MAP4K4: variants seen among roughly 807,000 people sequenced by gnomAD.
MAP4K4 encodes the protein mitogen-activated protein kinase kinase kinase kinase 4.
In MAP4K4, 38 loss-of-function variants were observed where a neutral mutation model predicts 189.6. The observed-to-expected ratio is 0.20, with a 90% confidence interval of 0.15 to 0.26. The LOEUF is 0.26. Among genes scored for constraint, MAP4K4 ranks in the 10% least tolerant of loss-of-function variants. MAP4K4 has a pLI of 1.00. For missense variants in MAP4K4, 1,054 were observed against 1,726.9 expected (o/e 0.61, Z 6.91); for synonymous variants, 610 against 624.3 (o/e 0.98, Z 0.34).
chr2:101,735,792 G>T (rs1173765701), intron 2 of MAP4K4, among the ~76,000 whole-genome samples: 1 of 152,302 alleles, frequency 6.6e-6, no homozygotes, highest in Non-Finnish European at 1.5e-5. Context: ...AGCTAGAAAA[G>T]AAAATAGAAA....
rs1043497713 is a variant in MAP4K4 at position 101,834,598 on chromosome 2, A to G, written c.694+135A>G. 1.5e-5 allele frequency: 10 copies of G among 669,072 alleles called. No homozygotes were observed. The East Asian group carries it at 2.5e-4, about 16-fold the overall frequency. The allele number at this position is 669,072 out of a possible 1,614,324, so 41.4% of individuals were successfully genotyped here. On this transcript the variant is annotated intron_variant, in intron 8 of 32. Coordinates refer to ENST00000324219, the Ensembl canonical transcript of MAP4K4. ...CTGTTTAGATGAAGGCAACATAAAT[A>G]TAGTCAAGTTTTAGATGTAGAAGGA...
intron 2 of MAP4K4, among the ~76,000 whole-genome samples, chr2:101,782,365 A>G (rs926912600): frequency 6.6e-6 from 1 of 152,168 alleles, no homozygotes; most frequent in African/African-American, 2.4e-5. Flanking sequence ...GTTGTTTCAG[A>G]TAAGGTAGCT....
chr2:101,797,889 G>GAGTTTTTTTTTT (rs1553478621), intron 3 of MAP4K4, among the ~76,000 whole-genome samples: 1 of 52,304 alleles, frequency 1.9e-5, no homozygotes, highest in African/African-American at 7.6e-5. Flanking sequence ...CATTCTTTTA[G>GAGTTTTTTTTTT]TTTTTTTTTT....
At chr2:101,765,208 G>A (rs1394229333) in intron 2 of MAP4K4, among the ~76,000 whole-genome samples, 1 of 152,172 alleles carries the variant, frequency 6.6e-6, no homozygotes, top group African/African-American at 2.4e-5. Context: ...AAGTATGTAG[G>A]GAGGAAGGGG....
At chr2:101,764,693 C>T (rs2077839453) in intron 2 of MAP4K4, among the ~76,000 whole-genome samples, 1 of 152,268 alleles carries the variant, frequency 6.6e-6, no homozygotes, top group South Asian at 2.1e-4. Context: ...GCAGATTATA[C>T]TTGAATTAAT....
chr2:101,879,091 A>T (rs2098297800), intron 27 of MAP4K4, among the ~76,000 whole-genome samples: 1 of 150,444 alleles, frequency 6.6e-6, no homozygotes, highest in Non-Finnish European at 1.5e-5. Flanking sequence ...GCAATCTGAG[A>T]GGCCAAGGCA....
rs929275576 is a variant in MAP4K4, at chr2:101,781,866, C to T, written c.124-8854C>T. On this transcript the variant is annotated intron_variant, in intron 2 of 32. Transcript: ENST00000324219. The stretch of plus-strand genomic sequence containing the variant: ...GATTTTTACTACAGTGATAGCTCCT[C>T]GAACTGGAACTGAGCTTGCTGTCTG... 4.6e-5 allele frequency among the ~76,000 whole-genome samples: 7 copies of T among 152,294 alleles called. No homozygotes were observed. In the East Asian group the frequency reaches 7.7e-4, roughly 17 times the overall value.
At chr2:101,797,889 GTTTT>G (rs58201235) in intron 3 of MAP4K4, among the ~76,000 whole-genome samples, 985 of 52,376 alleles carry the variant, frequency 0.019, 105 homozygotes, top group Middle Eastern at 0.094. Flanking sequence ...CATTCTTTTA[GTTTT>G]TTTTTTTTTT....
chr2:101,888,062 G>A, intron 31 of MAP4K4, 125 bp downstream of exon 31: 1 of 724,352 alleles, frequency 1.4e-6, no homozygotes, highest in Non-Finnish European at 2.1e-6. Flanking sequence ...AGAGTAGTTG[G>A]CAGTAGATGG....
At chr2:101,841,433 G>C (rs2096913727) in intron 10 of MAP4K4, among the ~76,000 whole-genome samples, 1 of 151,734 alleles carries the variant, frequency 6.6e-6, no homozygotes, top group Non-Finnish European at 1.5e-5. Flanking sequence ...TATTTTAATT[G>C]CCCAGGCACT....
At chr2:101,881,280 G>T (rs2098382456) in intron 27 of MAP4K4, among the ~76,000 whole-genome samples, 1 of 152,016 alleles carries the variant, frequency 6.6e-6, no homozygotes, top group African/African-American at 2.4e-5. Flanking sequence ...ATGATTTGTT[G>T]CTGGTATACA....
intron 12 of MAP4K4, among the ~76,000 whole-genome samples, chr2:101,847,133 C>CAT (rs1445814569): frequency 6.6e-6 from 1 of 152,186 alleles, no homozygotes; most frequent in Non-Finnish European, 1.5e-5. Flanking sequence ...CTAGTGACAT[C>CAT]ATAGCCATTG....
chr2:101,812,531 T>A (rs1310399391), intron 3 of MAP4K4, among the ~76,000 whole-genome samples: 2 of 152,162 alleles, frequency 1.3e-5, no homozygotes, highest in Admixed American at 1.3e-4. Context: ...TAATGAACTG[T>A]TTTAAGACCA....
chr2:101,704,567 A>ATATATATATTTTTT (rs2041127435), intron 2 of MAP4K4, among the ~76,000 whole-genome samples: 1 of 23,398 alleles, frequency 4.3e-5, no homozygotes, highest in African/African-American at 3.2e-4. Flanking sequence ...ATATATATAT[A>ATATATATATTTTTT]TTTTTTTTTT....
intron 12 of MAP4K4, among the ~76,000 whole-genome samples, chr2:101,849,052 A>T (rs1161442164): frequency 6.6e-6 from 1 of 151,824 alleles, no homozygotes; most frequent in Non-Finnish European, 1.5e-5. Context: ...TTCTGGGTAC[A>T]CTCATATTTT....
exon 12 of MAP4K4, chr2:101,844,213 C>A: frequency 6.2e-7 from 1 of 1,604,636 alleles, no homozygotes; most frequent in Non-Finnish European, 8.5e-7. Flanking sequence ...ACTACAGGAG[C>A]AACAGCTCCG....
chr2:101,810,075 A>G (rs571794183), intron 3 of MAP4K4, among the ~76,000 whole-genome samples: 11 of 152,368 alleles, frequency 7.2e-5, no homozygotes, highest in Non-Finnish European at 1.0e-4. Flanking sequence ...AGTACATCAC[A>G]TGCCATGGAT....
intron 2 of MAP4K4, among the ~76,000 whole-genome samples, chr2:101,771,085 A>G (rs2150352411): frequency 6.6e-6 from 1 of 152,364 alleles, no homozygotes; most frequent in East Asian, 1.9e-4. Flanking sequence ...ATAGTTGGAT[A>G]TATCACCATG....
chr2:101,797,327 C>G lies in MAP4K4; in HGVS notation c.180+6551C>G, dbSNP rs1320597118. On this transcript the variant is annotated intron_variant, in intron 3 of 32. Transcript: ENST00000324219. ...TTTTAGGGTGTTGGTGGCACTTTCT[C>G]CCTGTGCTTTGCATGACTCTGGCAG... The G allele has an allele frequency of 2.3e-6, 3 of 1,290,722 alleles. No individual in the cohort carries two copies. In the African/African-American group the frequency reaches 4.6e-5, roughly 20 times the overall value. 80.0% of individuals were successfully genotyped at this position (1,290,722 alleles called of 1,614,324 possible). A position where few individuals can be genotyped will look rare whatever the true frequency, so the allele number is the denominator to read the frequency against.
Sources: allele counts gnomAD v4.1 joint callset (sites outside exome capture counted in the v4.1 genomes callset), GRCh38; gene constraint gnomAD v4.1.1; transcripts MANE v1.5; gene names NCBI Gene and HGNC (gene_info 2026-07-23, HGNC 2026-07-21).